The following MS4A13 variants were observed in gnomAD, a reference collection of about 807,000 sequenced individuals.
MS4A13 encodes membrane-spanning 4-domains subfamily A member 13.
A neutral mutation model predicts 18.4 loss-of-function variants in MS4A13; 21 were observed. The observed-to-expected ratio is 1.14, with a 90% CI of 0.81 to 1.64. The LOEUF (loss-of-function observed/expected upper bound fraction) is 1.64, where lower values mean the gene tolerates loss of function less well. MS4A13 is among the 40% of genes most tolerant of loss of function. The pLI, the probability that MS4A13 is intolerant of heterozygous loss-of-function variation, is 0.00. For missense variants in MS4A13, 173 were observed against 176.8 expected (o/e 0.98, Z 0.12); for synonymous variants, 62 against 57.2 (o/e 1.08, Z -0.38).
chr11:60,527,410 C>CTCTCTCTGTGTG (rs1555024373), intron 5 of MS4A13, among the ~76,000 whole-genome samples: 4 of 28,804 alleles, frequency 1.4e-4, no homozygotes, highest in African/African-American at 4.8e-4. Context: ...CTCTCTCTCT[C>CTCTCTCTGTGTG]TGTGTGTGTG....
In MS4A13 at chr11:60,525,195, T is replaced by A; in HGVS notation, c.187-12T>A. The A allele has an allele frequency of 1.3e-6, 2 of 1,550,680 alleles. No individual in the cohort carries two copies. Among genetic ancestry groups the A allele is most frequent in the Non-Finnish European group, 1.8e-6 (2 of 1,126,242 alleles). ...CTGAATATAATAAATTTGCCCTCTGTCTCCTTTTCAGATTATAAGTACTTT... is the reference window on the plus strand; with the variant it reads ...CTGAATATAATAAATTTGCCCTCTGACTCCTTTTCAGATTATAAGTACTTT... On this transcript the variant is annotated splice_polypyrimidine_tract_variant and intron_variant, in intron 4 of 6. Transcript: ENST00000378186.
At chr11:60,517,973 G>A (rs1818719948) in intron 2 of MS4A13, 99 bp from the exon 3 acceptor site, 2 of 934,942 alleles carry the variant, frequency 2.1e-6, no homozygotes, top group Non-Finnish European at 3.1e-6. Flanking sequence ...TTTTACTTTT[G>A]TATTTGTAAA....
chr11:60,519,525 A>C (rs2086659783), intron 3 of MS4A13, among the ~76,000 whole-genome samples: 1 of 152,158 alleles, frequency 6.6e-6, no homozygotes, highest in Admixed American at 6.5e-5. Context: ...AATATGAAAT[A>C]ATCATCGAGG....
At chr11:60,524,060 T>C (rs933218934) in intron 4 of MS4A13, 107 bp downstream of exon 4, 3 of 638,614 alleles carry the variant, frequency 4.7e-6, no homozygotes, top group Non-Finnish European at 2.8e-6. Flanking sequence ...CTACCCTACC[T>C]GTAAAGTAAA....
chr11:60,524,170 G>A (rs1002323177), intron 4 of MS4A13, among the ~76,000 whole-genome samples: 2 of 152,134 alleles, frequency 1.3e-5, no homozygotes, highest in African/African-American at 2.4e-5. Context: ...GTTTCTAAAT[G>A]TATATATAGT....
chr11:60,519,775 G>T (rs377613264), intron 3 of MS4A13, among the ~76,000 whole-genome samples: 5 of 152,286 alleles, frequency 3.3e-5, no homozygotes, highest in South Asian at 2.1e-4. Context: ...GGCAGTGTTT[G>T]TAATGGTTGG....
At chr11:60,539,607 A>G (rs1209067229) in intron 6 of MS4A13, among the ~76,000 whole-genome samples, 4 of 152,184 alleles carry the variant, frequency 2.6e-5, no homozygotes, top group Non-Finnish European at 1.5e-5. Context: ...CAATACATCC[A>G]AAAAGCTCAA....
chr11:60,538,220 A>G lies in MS4A13; in HGVS notation c.403-4299A>G, dbSNP rs1419814171. Among the ~76,000 whole-genome samples, 3 of 151,678 alleles carry G rather than the reference A, an allele frequency of 2.0e-5. No homozygotes were observed. In the East Asian group the frequency reaches 5.8e-4, roughly 29 times the overall value. ...AAAAAAAAAACAAAGTTGAACTCAT[A>G]GAAGCAGAAGGTAGAATGATGAATA... On this transcript the variant is annotated intron_variant, in intron 6 of 6. Transcript: ENST00000378186.
At chr11:60,538,193 G>GAAAA in intron 6 of MS4A13, among the ~76,000 whole-genome samples, 1 of 107,718 alleles carries the variant, frequency 9.3e-6, no homozygotes, top group Non-Finnish European at 2.0e-5. Context: ...AAAAAAAAAC[G>GAAAA]AAAAAAAAAA....
In MS4A13 at chr11:60,539,183, T is replaced by G. The variant is rs1420503258; in HGVS notation, c.403-3336T>G. 4.3e-5 allele frequency among the ~76,000 whole-genome samples: 3 copies of G among 69,412 alleles called. No homozygotes were observed. The East Asian group carries it at 1.2e-3, about 27-fold the overall frequency. 45.5% of individuals were successfully genotyped at this position (69,412 alleles called of 152,430 possible). ...AGAACTATGAGTTAATAAATGAGTG[T>G]TGTTTCAAAAAAAAAAAAAAAAAAA... On this transcript the variant is annotated intron_variant, in intron 6 of 6. Transcript: ENST00000378186.
intron 3 of MS4A13, among the ~76,000 whole-genome samples, chr11:60,522,082 C>T (rs1446334344): frequency 6.6e-6 from 1 of 151,990 alleles, no homozygotes; most frequent in Non-Finnish European, 1.5e-5. Flanking sequence ...GAAGGACCCG[C>T]TCCCATGATT....
chr11:60,533,185 G>A (rs1366858551), intron 6 of MS4A13, among the ~76,000 whole-genome samples: 109 of 99,540 alleles, frequency 1.1e-3, no homozygotes, highest in African/African-American at 3.8e-3. Flanking sequence ...TGATTTTGAC[G>A]AGCTGAGAGA....
intron 6 of MS4A13, among the ~76,000 whole-genome samples, chr11:60,538,252 G>C (rs1181154012): frequency 4.0e-5 from 6 of 151,646 alleles, no homozygotes; most frequent in African/African-American, 1.5e-4. Flanking sequence ...AATACCAGAG[G>C]CTGGGGGCCG....
chr11:60,522,265 C>T lies in MS4A13; in HGVS notation c.130-1632C>T, dbSNP rs866689830. Among the ~76,000 whole-genome samples the T allele has an allele frequency of 1.2e-3, 72 of 62,328 alleles. 1 individual carries two copies. The Middle Eastern group carries it at 0.045, about 39-fold the overall frequency. 40.9% of individuals were successfully genotyped at this position (62,328 alleles called of 152,430 possible). On this transcript the variant is annotated intron_variant, in intron 3 of 6. Coordinates refer to ENST00000378186, the MANE Select transcript of MS4A13 (RefSeq NM_001012417.3). ...ATGTATATATATAGATATATACACACATATATATGTATGTGTGTGTTTGTG... is the reference window on the plus strand; with the variant it reads ...ATGTATATATATAGATATATACACATATATATATGTATGTGTGTGTTTGTG...
chr11:60,520,201 A>T (rs920731564), intron 3 of MS4A13, among the ~76,000 whole-genome samples: 1 of 152,120 alleles, frequency 6.6e-6, no homozygotes. Context: ...TGCTGTTCTC[A>T]TGATAGTGAA....
At chr11:60,517,971 T>C (rs1408323293) in intron 2 of MS4A13, 101 bp from the exon 3 acceptor site, 2 of 921,088 alleles carry the variant, frequency 2.2e-6, no homozygotes, top group Non-Finnish European at 3.1e-6. Context: ...TGTTTTACTT[T>C]TGTATTTGTA....
chr11:60,533,353 G>A (rs2086787075), intron 6 of MS4A13, among the ~76,000 whole-genome samples: 1 of 120,726 alleles, frequency 8.3e-6, no homozygotes. Flanking sequence ...GAAAACCAAG[G>A]CTCAAGAACT....
intron 6 of MS4A13, among the ~76,000 whole-genome samples, chr11:60,537,008 C>T (rs2086814064): frequency 9.9e-6 from 1 of 100,924 alleles, no homozygotes; most frequent in African/African-American, 4.0e-5. Context: ...TTCCTTACAC[C>T]TTATACAAAA....
At chr11:60,529,007 C>A (rs1380212475) in intron 5 of MS4A13, among the ~76,000 whole-genome samples, 1 of 152,054 alleles carries the variant, frequency 6.6e-6, no homozygotes, top group East Asian at 1.9e-4. Context: ...TGTTGGTGGC[C>A]ATCTTATCAT....
Sources: allele counts gnomAD v4.1 joint callset (sites outside exome capture counted in the v4.1 genomes callset), GRCh38; gene constraint gnomAD v4.1.1; transcripts MANE v1.5; gene names NCBI Gene and HGNC (gene_info 2026-07-23, HGNC 2026-07-21).